NDUFA10: variants seen among roughly 807,000 people sequenced by gnomAD.
NDUFA10 encodes the protein NADH:ubiquinone oxidoreductase subunit A10, also known as NADH dehydrogenase [ubiquinone] 1 alpha subcomplex subunit 10, mitochondrial.
NDUFA10 carries 40 observed loss-of-function variants against 47.8 expected under a neutral mutation model. The ratio of observed to expected loss-of-function variants is 0.84; its 90% CI spans 0.65 to 1.09. The LOEUF (loss-of-function observed/expected upper bound fraction) is 1.09. Ranked by LOEUF, NDUFA10 falls within the 50% of genes least tolerant of loss-of-function variation. NDUFA10 has a pLI of 0.00. For missense variants in NDUFA10, 413 were observed against 451.1 expected (o/e 0.92, Z 0.76); for synonymous variants, 183 against 172.2 (o/e 1.06, Z -0.49).
chr2:239,984,219 T>A (rs1236296143), intron 9 of NDUFA10, among the ~76,000 whole-genome samples: 1 of 136,722 alleles, frequency 7.3e-6, no homozygotes, highest in Non-Finnish European at 1.5e-5. Context: ...GGCGATAGAG[T>A]GACAATCGGT....
intron 4 of NDUFA10, among the ~76,000 whole-genome samples, chr2:239,905,563 C>T (rs1420718717): frequency 5.3e-5 from 8 of 152,230 alleles, no homozygotes; most frequent in Admixed American, 3.9e-4. Context: ...ACATGTTCTT[C>T]ACGGGATGCT....
chr2:240,007,744 G>A (rs893947919), intron 6 of NDUFA10, among the ~76,000 whole-genome samples: 5 of 152,194 alleles, frequency 3.3e-5, no homozygotes, highest in Admixed American at 6.5e-5. Flanking sequence ...CCCGCTGCAC[G>A]GAAGGACAAC....
intron 4 of NDUFA10, among the ~76,000 whole-genome samples, chr2:239,937,953 G>A (rs1559296829): frequency 2.0e-5 from 3 of 152,158 alleles, no homozygotes; most frequent in Non-Finnish European, 4.4e-5. Flanking sequence ...CACTGTCACT[G>A]GCTGGGGCCA....
intron 1 of NDUFA10, among the ~76,000 whole-genome samples, 180 bp downstream of exon 1, chr2:240,025,047 C>T (rs556082202): frequency 1.3e-5 from 2 of 152,340 alleles, no homozygotes; most frequent in South Asian, 4.1e-4. Flanking sequence ...TCGTGGCCCC[C>T]TGAGGTCTGT....
chr2:239,920,216 G>GT (rs1693945468), intron 4 of NDUFA10, among the ~76,000 whole-genome samples: 1 of 152,230 alleles, frequency 6.6e-6, no homozygotes. Context: ...TCAGCAGGAA[G>GT]GTGGGGAGAG....
intron 4 of NDUFA10, among the ~76,000 whole-genome samples, chr2:239,934,329 T>C (rs957531555): frequency 6.6e-6 from 1 of 152,050 alleles, no homozygotes; most frequent in African/African-American, 2.4e-5. Context: ...AGGTGGGTCT[T>C]AACCTTCTCC....
chr2:240,001,010 G>A, intron 8 of NDUFA10, among the ~76,000 whole-genome samples: 1 of 152,226 alleles, frequency 6.6e-6, no homozygotes, highest in East Asian at 1.9e-4. Context: ...GCCCTGTGGT[G>A]CTCAATCCTG....
rs925929195 is a variant in NDUFA10 at position 239,960,108 on chromosome 2, T to G, written c.*1010A>C. 1 of 985,334 alleles carries G rather than the reference T, an allele frequency of 1.0e-6. No homozygotes were observed. Among genetic ancestry groups the G allele is most frequent in the African/African-American group, 1.7e-5 (1 of 57,226 alleles). 61.0% of individuals were successfully genotyped at this position (985,334 alleles called of 1,614,324 possible). A position where few individuals can be genotyped will look rare whatever the true frequency, so the allele number is the denominator to read the frequency against. On this transcript the variant is annotated 3_prime_UTR_variant, in exon 10 of 10. Transcript: ENST00000252711. Reference sequence around the variant, plus strand: ...CACATGTGGCTAGGAGCTACCATATTGGACACAGTGGAGCTTTACAGTGGA... The same window carrying G: ...CACATGTGGCTAGGAGCTACCATATGGGACACAGTGGAGCTTTACAGTGGA...
At chr2:240,022,516 T>C (rs901615317) in intron 1 of NDUFA10, among the ~76,000 whole-genome samples, 176 bp from the exon 2 acceptor site, 20 of 152,140 alleles carry the variant, frequency 1.3e-4, no homozygotes, top group African/African-American at 4.1e-4. Context: ...ACTCTGTCCA[T>C]GTAAGTTTCG....
chr2:239,908,972 C>T (rs1295228958), intron 4 of NDUFA10, among the ~76,000 whole-genome samples: 3 of 152,206 alleles, frequency 2.0e-5, no homozygotes, highest in Non-Finnish European at 2.9e-5. Context: ...GCAGCTAACT[C>T]GAAGGTGTGG....
intron 4 of NDUFA10, among the ~76,000 whole-genome samples, chr2:239,898,797 C>G (rs1038339406): frequency 6.6e-6 from 1 of 152,346 alleles, no homozygotes; most frequent in Non-Finnish European, 1.5e-5. Flanking sequence ...GGGCAAGGAC[C>G]ACAGAAGAAT....
intron 9 of NDUFA10, 87 bp from the exon 10 acceptor site, chr2:239,961,273 C>A: frequency 6.2e-7 from 1 of 1,601,998 alleles, no homozygotes; most frequent in Non-Finnish European, 8.5e-7. Context: ...CCGGCAGATG[C>A]CTGTACTTCA....
chr2:239,975,741 G>C (rs1695491650), intron 9 of NDUFA10, among the ~76,000 whole-genome samples: 2 of 152,186 alleles, frequency 1.3e-5, no homozygotes, highest in Non-Finnish European at 2.9e-5. Context: ...CCAGCCCCCA[G>C]CCCATAATCC....
chr2:239,914,803 TACAC>T (rs1416530181), intron 4 of NDUFA10, among the ~76,000 whole-genome samples: 4 of 129,086 alleles, frequency 3.1e-5, no homozygotes, highest in Non-Finnish European at 6.6e-5. Flanking sequence ...CAGATACACA[TACAC>T]ACACAGAACA....
chr2:240,007,605 C>T (rs951495156), intron 6 of NDUFA10, among the ~76,000 whole-genome samples: 2 of 152,200 alleles, frequency 1.3e-5, no homozygotes, highest in African/African-American at 4.8e-5. Context: ...AGGACCATTT[C>T]CTCGTTTCCC....
intron 8 of NDUFA10, among the ~76,000 whole-genome samples, chr2:239,997,155 T>C (rs1470397021): frequency 6.6e-6 from 1 of 152,028 alleles, no homozygotes; most frequent in Non-Finnish European, 1.5e-5. Flanking sequence ...GGGCTGACTA[T>C]ATTAGAAAAG....
intron 4 of NDUFA10, among the ~76,000 whole-genome samples, chr2:239,947,938 G>A (rs1310193956): frequency 6.6e-6 from 1 of 152,126 alleles, no homozygotes; most frequent in East Asian, 1.9e-4. Flanking sequence ...TTGAGCGTGG[G>A]CACTGGGTGA....
rs79642467 is a variant in NDUFA10, at chr2:239,912,150, C to G, written c.295-16836G>C. Among the ~76,000 whole-genome samples, 992 of 152,290 alleles carry G rather than the reference C, an allele frequency of 6.5e-3. 14 individuals carry two copies. Among genetic ancestry groups the G allele is most frequent in the African/African-American group, 0.023 (949 of 41,552 alleles). ...GTAGCTGGAACATTCAGGCCTCAGT[C>G]CTGAAGGAGGGTCTGGGCGGCACAC... is the stretch of plus-strand genomic sequence containing the variant. On this transcript the variant is annotated intron_variant, in intron 4 of 5. Transcript: ENST00000419408.
At chr2:239,898,793 G>A (rs202155862) in intron 4 of NDUFA10, among the ~76,000 whole-genome samples, 2 of 152,248 alleles carry the variant, frequency 1.3e-5, no homozygotes, top group Non-Finnish European at 2.9e-5. Flanking sequence ...GATGGGGCAA[G>A]GACCACAGAA....
Sources: allele counts gnomAD v4.1 joint callset (sites outside exome capture counted in the v4.1 genomes callset), GRCh38; gene constraint gnomAD v4.1.1; transcripts MANE v1.5; gene names NCBI Gene and HGNC (gene_info 2026-07-23, HGNC 2026-07-21).